SORCS2: variants seen among roughly 807,000 people sequenced by gnomAD.
The protein encoded by SORCS2 is VPS10 domain-containing receptor SorCS2.
A neutral mutation model predicts 141.6 loss-of-function variants in SORCS2; 100 were observed. The observed-to-expected ratio is 0.71, with a 90% CI of 0.60 to 0.83. The LOEUF is 0.83. Ranked by LOEUF, SORCS2 falls within the 40% of genes least tolerant of loss-of-function variation. SORCS2 has a pLI of 0.00. For missense variants in SORCS2, 1,646 were observed against 1,560.2 expected (o/e 1.05, Z -0.93); for synonymous variants, 789 against 676.9 (o/e 1.17, Z -2.57).
chr4:7,325,421 A>ATGAG (rs574932375), intron 1 of SORCS2, among the ~76,000 whole-genome samples: 2,754 of 152,120 alleles, frequency 0.018, 175 homozygotes, highest in Middle Eastern at 0.031. Context: ...GAATGAATGA[A>ATGAG]GCAGGCAAGA....
chr4:7,725,307 A>T lies in SORCS2; in HGVS notation c.2745+20A>T. On this transcript the variant is annotated intron_variant, in intron 20 of 26. Transcript: ENST00000507866. The stretch of plus-strand genomic sequence containing the variant: ...CTGCAGGTGCGCTGGCTTTGCCCCA[A>T]CTCAGCCCTTCTTCCCGCAGGCTCC... 6.2e-7 allele frequency: 1 copy of T among 1,607,614 alleles called. No homozygotes were observed.
intron 1 of SORCS2, among the ~76,000 whole-genome samples, chr4:7,293,898 T>C (rs913456332): frequency 6.6e-6 from 1 of 152,244 alleles, no homozygotes; most frequent in Admixed American, 6.5e-5. Flanking sequence ...TCCGAGGCGC[T>C]GTCCAGCAGG....
At chr4:7,650,527 C>G (rs1052831042) in intron 4 of SORCS2, among the ~76,000 whole-genome samples, 1 of 152,228 alleles carries the variant, frequency 6.6e-6, no homozygotes, top group African/African-American at 2.4e-5. Context: ...ACGGTGGGCG[C>G]TAGTGGAGCC....
chr4:7,380,899 C>T (rs556548650), intron 1 of SORCS2, among the ~76,000 whole-genome samples: 104 of 152,214 alleles, frequency 6.8e-4, no homozygotes, highest in Admixed American at 1.0e-3. Flanking sequence ...CTGGCCAACA[C>T]GGTGAAACCC....
At chr4:7,381,426 C>T (rs867363265) in intron 1 of SORCS2, among the ~76,000 whole-genome samples, 3 of 152,174 alleles carry the variant, frequency 2.0e-5, no homozygotes, top group African/African-American at 4.8e-5. Flanking sequence ...CAGCCTTCCC[C>T]GAAGCTGACA....
intron 2 of SORCS2, among the ~76,000 whole-genome samples, chr4:7,514,422 T>C (rs1732849621): frequency 1.3e-5 from 2 of 151,920 alleles, no homozygotes; most frequent in South Asian, 4.2e-4. Flanking sequence ...AACCTGACAC[T>C]GTAGAGGGGC....
At chr4:7,650,925 C>G (rs1457515217) in intron 4 of SORCS2, among the ~76,000 whole-genome samples, 1 of 152,036 alleles carries the variant, frequency 6.6e-6, no homozygotes, top group East Asian at 1.9e-4. Flanking sequence ...CAAAGGATCC[C>G]CTAAACACCA....
intron 10 of SORCS2, among the ~76,000 whole-genome samples, chr4:7,688,915 A>G (rs1724039619): frequency 1.3e-5 from 2 of 151,704 alleles, no homozygotes; most frequent in African/African-American, 4.8e-5. Context: ...CACTTAACCC[A>G]CCCCTCTGTA....
At chr4:7,531,953 A>C (rs1711694840) in intron 3 of SORCS2, among the ~76,000 whole-genome samples, 1 of 152,254 alleles carries the variant, frequency 6.6e-6, no homozygotes, top group Non-Finnish European at 1.5e-5. Flanking sequence ...AGACAGCAGC[A>C]GCTCTCTTGG....
chr4:7,728,676 AC>A (rs1205153443), intron 22 of SORCS2, among the ~76,000 whole-genome samples: 1 of 152,122 alleles, frequency 6.6e-6, no homozygotes, highest in Non-Finnish European at 1.5e-5. Context: ...CTGGAGCACC[AC>A]CTCACAGGGG....
At chr4:7,537,786 C>T (rs778762020) in intron 3 of SORCS2, among the ~76,000 whole-genome samples, 21 of 152,100 alleles carry the variant, frequency 1.4e-4, no homozygotes, top group Middle Eastern at 3.2e-3. Flanking sequence ...GCTGGAGCAT[C>T]GCTTGAGCCC....
intron 2 of SORCS2, among the ~76,000 whole-genome samples, chr4:7,491,848 G>C (rs762924469): frequency 6.6e-5 from 10 of 152,330 alleles, no homozygotes; most frequent in Non-Finnish European, 1.0e-4. Flanking sequence ...AACTGGCCCA[G>C]ATGCCACAGT....
chr4:7,370,666 C>T (rs571922919), intron 1 of SORCS2, among the ~76,000 whole-genome samples: 31 of 152,316 alleles, frequency 2.0e-4, no homozygotes, highest in African/African-American at 6.7e-4. Flanking sequence ...CTGCCGGTGG[C>T]GGGGTGCTAT....
intron 1 of SORCS2, among the ~76,000 whole-genome samples, chr4:7,296,829 C>T (rs916728005): frequency 2.6e-5 from 4 of 152,174 alleles, no homozygotes; most frequent in African/African-American, 7.2e-5. Flanking sequence ...GCGTGGCTTC[C>T]CTCTATCGCT....
intron 1 of SORCS2, among the ~76,000 whole-genome samples, chr4:7,365,795 C>T (rs1476549333): frequency 1.3e-5 from 2 of 152,180 alleles, no homozygotes; most frequent in African/African-American, 4.8e-5. Flanking sequence ...TGTCATTTTG[C>T]TGAGCCTCCT....
intron 3 of SORCS2, among the ~76,000 whole-genome samples, chr4:7,548,839 C>G (rs1013141384): frequency 1.4e-4 from 22 of 152,188 alleles, no homozygotes. Flanking sequence ...TAACATGAGA[C>G]ACTGAGGAAG....
chr4:7,677,336 C>A (rs965452210), intron 9 of SORCS2, among the ~76,000 whole-genome samples: 1 of 152,248 alleles, frequency 6.6e-6, no homozygotes, highest in Non-Finnish European at 1.5e-5. Context: ...ACAGGCCTCT[C>A]CTTTGTTCCT....
rs370430594 is a variant in SORCS2 at position 7,686,592 on chromosome 4, G to A, written c.1489-2894G>A. Reference sequence around the variant, plus strand: ...CCTGCCCCGGGGTTCTCCTGTCCTCGTCCCTGGGTGGCCTCAGAGGAAGCC... The same window carrying A: ...CCTGCCCCGGGGTTCTCCTGTCCTCATCCCTGGGTGGCCTCAGAGGAAGCC... On this transcript the variant is annotated intron_variant, in intron 10 of 26. Coordinates refer to ENST00000507866, the MANE Select transcript of SORCS2 (RefSeq NM_020777.3). Among the ~76,000 whole-genome samples the A allele has an allele frequency of 3.5e-4, 53 of 152,326 alleles. No homozygotes were observed. The South Asian group carries it at 9.1e-3, about 26-fold the overall frequency.
At chr4:7,641,804 GGA>G (rs1268476184) in intron 4 of SORCS2, among the ~76,000 whole-genome samples, 6 of 130,284 alleles carry the variant, frequency 4.6e-5, no homozygotes, top group Non-Finnish European at 8.2e-5. Flanking sequence ...ATGGATGGAT[GGA>G]TGGATGGATG....
Sources: gnomAD v4.1 joint callset for allele counts (sites outside exome capture counted in the v4.1 genomes callset) on GRCh38, gnomAD v4.1.1 for gene constraint, MANE v1.5 for transcripts, NCBI Gene and HGNC (gene_info 2026-07-23, HGNC 2026-07-21) for gene names.